The following ITGA9 variants were observed in gnomAD, a reference collection of about 807,000 sequenced individuals.
ITGA9 encodes the protein integrin alpha-9.
A neutral mutation model predicts 127.8 loss-of-function variants in ITGA9; 56 were observed. The ratio of observed to expected loss-of-function variants is 0.44; its 90% CI spans 0.35 to 0.55. The LOEUF (loss-of-function observed/expected upper bound fraction) is 0.55. Ranked by LOEUF, ITGA9 falls within the 20% of genes least tolerant of loss-of-function variation. The pLI is 0.00. For missense variants in ITGA9, 1,196 were observed against 1,347.1 expected (o/e 0.89, Z 1.76); for synonymous variants, 508 against 514.5 (o/e 0.99, Z 0.17).
chr3:37,628,212 G>A (rs534116219), intron 15 of ITGA9, among the ~76,000 whole-genome samples: 8 of 152,058 alleles, frequency 5.3e-5, no homozygotes, highest in Non-Finnish European at 2.9e-5. Context: ...ACTTTCCTTT[G>A]ACACGTCTCA....
At chr3:37,795,522 C>G (rs1373191770) in intron 26 of ITGA9, among the ~76,000 whole-genome samples, 1 of 152,176 alleles carries the variant, frequency 6.6e-6, no homozygotes, top group Non-Finnish European at 1.5e-5. Context: ...AGGCAGGGTG[C>G]CAGTGTCTGG....
chr3:37,789,814 G>C (rs1416385677), intron 26 of ITGA9: 16 of 262,710 alleles, frequency 6.1e-5, no homozygotes, highest in African/African-American at 2.5e-5. Context: ...CTCACAATGA[G>C]AGCATTAAAC....
chr3:37,730,778 A>G (rs1182821644), intron 18 of ITGA9, among the ~76,000 whole-genome samples: 1 of 152,320 alleles, frequency 6.6e-6, no homozygotes, highest in East Asian at 1.9e-4. Flanking sequence ...AAGACAGAGG[A>G]AGAAAACCTT....
intron 15 of ITGA9, among the ~76,000 whole-genome samples, chr3:37,560,401 C>G (rs1362802062): frequency 2.0e-5 from 3 of 152,178 alleles, no homozygotes; most frequent in African/African-American, 7.2e-5. Context: ...GAAGAGTGCT[C>G]CAATAAACAT....
chr3:37,571,772 AG>A lies in ITGA9; in HGVS notation c.1689+29189del, dbSNP rs1209317182. Among the ~76,000 whole-genome samples the A allele has an allele frequency of 1.6e-4, 25 of 152,076 alleles. 1 individual carries two copies. Among genetic ancestry groups the A allele is most frequent in the Non-Finnish European group, 5.9e-5 (4 of 68,002 alleles). On this transcript the variant is annotated intron_variant, in intron 15 of 27. Transcript: ENST00000264741. Reference sequence around the variant, plus strand: ...CTTTCTGCTTTCTTAGGCACTAGGAAGGCAAGGAGATACTTGGGGCTGGAAG... The same window carrying A: ...CTTTCTGCTTTCTTAGGCACTAGGAAGCAAGGAGATACTTGGGGCTGGAAG...
intron 23 of ITGA9, among the ~76,000 whole-genome samples, chr3:37,775,635 G>A (rs1180507621): frequency 1.2e-4 from 15 of 129,660 alleles, no homozygotes; most frequent in Admixed American, 8.6e-4. Flanking sequence ...AACAGTGAGC[G>A]ACTCCATCTC....
At chr3:37,501,605 G>A (rs1378231522) in intron 5 of ITGA9, among the ~76,000 whole-genome samples, 1 of 152,024 alleles carries the variant, frequency 6.6e-6, no homozygotes, top group East Asian at 1.9e-4. Context: ...TTTACTCCAG[G>A]TACCCACTGA....
At chr3:37,623,735 C>T (rs567136540) in intron 15 of ITGA9, among the ~76,000 whole-genome samples, 15 of 150,226 alleles carry the variant, frequency 1.0e-4, no homozygotes, top group African/African-American at 2.7e-4. Flanking sequence ...TCGAGTTGTC[C>T]GTGGGAGGAC....
intron 27 of ITGA9, among the ~76,000 whole-genome samples, chr3:37,812,450 G>A (rs541829413): frequency 5.3e-5 from 8 of 152,354 alleles, no homozygotes; most frequent in Non-Finnish European, 1.0e-4. Context: ...GGGGGCTGGG[G>A]AGGAAGAGGC....
intron 1 of ITGA9, among the ~76,000 whole-genome samples, chr3:37,467,060 T>C (rs149815): frequency 0.78 from 117,887 of 152,068 alleles, 46,330 homozygotes; most frequent in Middle Eastern, 0.87. Flanking sequence ...CAGAAAAGAC[T>C]CACTCATGGG....
intron 15 of ITGA9, among the ~76,000 whole-genome samples, chr3:37,557,972 C>T (rs1328698964): frequency 2.6e-5 from 4 of 152,174 alleles, no homozygotes; most frequent in Non-Finnish European, 5.9e-5. Flanking sequence ...TGGCTTTTCT[C>T]ATTATTATTA....
intron 1 of ITGA9, among the ~76,000 whole-genome samples, chr3:37,469,474 C>G (rs1210999889): frequency 1.3e-5 from 2 of 152,178 alleles, no homozygotes; most frequent in Non-Finnish European, 1.5e-5. Flanking sequence ...TGTAACACAT[C>G]CAGGAAAGTG....
chr3:37,755,189 A>G (rs897938773), intron 23 of ITGA9, among the ~76,000 whole-genome samples: 27 of 152,304 alleles, frequency 1.8e-4, no homozygotes, highest in Middle Eastern at 3.4e-3. Context: ...TGAGGAACCA[A>G]GCTTCAAGGA....
chr3:37,683,548 G>T (rs1040273772), intron 17 of ITGA9, among the ~76,000 whole-genome samples: 1 of 152,192 alleles, frequency 6.6e-6, no homozygotes. Context: ...AGAAATAACC[G>T]CATGAATTCA....
chr3:37,733,151 C>T (rs972750435), intron 19 of ITGA9, among the ~76,000 whole-genome samples: 7 of 152,164 alleles, frequency 4.6e-5, no homozygotes, highest in African/African-American at 1.4e-4. Context: ...CTAGACAACA[C>T]AGAAGAAGAT....
chr3:37,772,193 G>A (rs1357203199), intron 23 of ITGA9, among the ~76,000 whole-genome samples: 1 of 152,100 alleles, frequency 6.6e-6, no homozygotes, highest in Non-Finnish European at 1.5e-5. Flanking sequence ...ATCTCCTGAG[G>A]TCAGGAGTTC....
chr3:37,610,678 G>A (rs1376353982), intron 15 of ITGA9, among the ~76,000 whole-genome samples: 2 of 152,218 alleles, frequency 1.3e-5, no homozygotes, highest in Non-Finnish European at 2.9e-5. Context: ...ATCAATCAAT[G>A]TTAGCTGAAT....
chr3:37,621,823 A>C (rs1700131373), intron 15 of ITGA9, among the ~76,000 whole-genome samples: 1 of 152,218 alleles, frequency 6.6e-6, no homozygotes, highest in African/African-American at 2.4e-5. Context: ...TTATAAACTA[A>C]TATATAGTCA....
At chr3:37,638,436 T>C (rs1307086765) in intron 16 of ITGA9, among the ~76,000 whole-genome samples, 1 of 147,954 alleles carries the variant, frequency 6.8e-6, no homozygotes, top group Admixed American at 6.8e-5. Flanking sequence ...TTATTGTCCT[T>C]TTCCTGATTA....
Sources: allele counts gnomAD v4.1 joint callset (sites outside exome capture counted in the v4.1 genomes callset), GRCh38; gene constraint gnomAD v4.1.1; transcripts MANE v1.5; gene names NCBI Gene and HGNC (gene_info 2026-07-23, HGNC 2026-07-21).